NFATC1: variants seen among roughly 807,000 people sequenced by gnomAD.
NFATC1 encodes nuclear factor of activated T cells 1.
Under a neutral mutation model 76.0 loss-of-function variants are expected in NFATC1, and 22 were observed. The ratio of observed to expected loss-of-function variants is 0.29; its 90% CI spans 0.21 to 0.41. The LOEUF (loss-of-function observed/expected upper bound fraction) is 0.41, where lower values mean the gene tolerates loss of function less well. Ranked by LOEUF, NFATC1 falls within the 10% of genes least tolerant of loss-of-function variation. NFATC1 has a pLI of 1.00. For synonymous variants in NFATC1, 704 were observed against 613.1 expected (o/e 1.15, Z -2.19); for missense variants, 1,357 against 1,337.7 (o/e 1.01, Z -0.23).
At chr18:79,436,554 C>T (rs972226533) in intron 3 of NFATC1, among the ~76,000 whole-genome samples, 11 of 152,168 alleles carry the variant, frequency 7.2e-5, no homozygotes, top group African/African-American at 2.7e-4. Context: ...CGTCCTCCCA[C>T]GCCCGCTGTC....
chr18:79,497,687 C>T (rs909293268), intron 9 of NFATC1: 1 of 151,764 alleles, frequency 6.6e-6, no homozygotes, highest in African/African-American at 2.4e-5. Flanking sequence ...GAGAGGGCCC[C>T]AGCCACTCTT....
chr18:79,461,922 C>T (rs1157659712), intron 7 of NFATC1, among the ~76,000 whole-genome samples: 1 of 152,220 alleles, frequency 6.6e-6, no homozygotes, highest in Admixed American at 6.5e-5. Flanking sequence ...AGAGCCTGGG[C>T]GTGGCTCCTG....
rs1171398707 is a variant in NFATC1 at position 79,396,096 on chromosome 18, T to C, written c.-129T>C. 4.4e-6 allele frequency: 5 copies of C among 1,132,878 alleles called. No homozygotes were observed. The highest frequency in any genetic ancestry group is 5.5e-6 in the Non-Finnish European group (5 of 909,918). The allele number at this position is 1,132,878 out of a possible 1,614,324, so 70.2% of individuals were successfully genotyped here. On this transcript the variant is annotated 5_prime_UTR_variant, in exon 1 of 10. Transcript: ENST00000427363. ...GCGCGCACACGCCCCTCGATGACTT[T>C]CCTCCGGGGCGCGCGGCGCTGAGCC...
chr18:79,474,612 G>C (rs1301011622), intron 8 of NFATC1, among the ~76,000 whole-genome samples: 1 of 146,292 alleles, frequency 6.8e-6, no homozygotes, highest in African/African-American at 2.6e-5. Flanking sequence ...GCTCACTGTT[G>C]ACGTAAACCT....
At chr18:79,409,677 CCTGT>C (rs2085590251) in intron 1 of NFATC1, among the ~76,000 whole-genome samples, 1 of 152,158 alleles carries the variant, frequency 6.6e-6, no homozygotes, top group Admixed American at 6.5e-5. Flanking sequence ...AGTTTCTTTA[CCTGT>C]CTATCCATCA....
chr18:79,503,816 A>G (rs1405776344), intron 9 of NFATC1, among the ~76,000 whole-genome samples: 22 of 152,196 alleles, frequency 1.4e-4, no homozygotes, highest in Admixed American at 1.4e-3. Flanking sequence ...ACCTTCACCA[A>G]TGGTCTCAGC....
rs115882207 is a variant in NFATC1, at chr18:79,479,443, C to T, written c.2093-6805C>T. Among the ~76,000 whole-genome samples the T allele has an allele frequency of 8.6e-3, 1,307 of 152,326 alleles. 19 individuals carry two copies. Among genetic ancestry groups the T allele is most frequent in the African/African-American group, 0.026 (1,101 of 41,570 alleles). On this transcript the variant is annotated intron_variant, in intron 8 of 9. Coordinates refer to ENST00000427363, the MANE Select transcript of NFATC1 (RefSeq NM_001278669.2). ...CACTCACTTTCTCACTGATAGGATG[C>T]GTCTTACGAGGCTCTGATTTACAGA...
At chr18:79,415,217 G>A (rs916233180) in intron 2 of NFATC1, among the ~76,000 whole-genome samples, 1 of 152,148 alleles carries the variant, frequency 6.6e-6, no homozygotes, top group African/African-American at 2.4e-5. Flanking sequence ...GAAAGGCGGA[G>A]GTATTTTGAC....
chr18:79,516,414 A>G (rs1297958594), intron 9 of NFATC1, among the ~76,000 whole-genome samples: 1 of 152,246 alleles, frequency 6.6e-6, no homozygotes, highest in Non-Finnish European at 1.5e-5. Flanking sequence ...ACTGCTTTAC[A>G]AAGCATCTTT....
intron 1 of NFATC1, among the ~76,000 whole-genome samples, chr18:79,405,113 A>T (rs547753874): frequency 6.6e-6 from 1 of 152,146 alleles, no homozygotes; most frequent in African/African-American, 2.4e-5. Context: ...CCCCCAAACC[A>T]CCTGTGTGTC....
chr18:79,484,470 C>T (rs1361732767), intron 8 of NFATC1, among the ~76,000 whole-genome samples: 2 of 152,120 alleles, frequency 1.3e-5, no homozygotes, highest in Non-Finnish European at 2.9e-5. Flanking sequence ...CTGTGTAGGG[C>T]GGACGCTTTA....
chr18:79,451,119 C>T lies in NFATC1; in HGVS notation c.1755C>T (p.Ile585=). The T allele has an allele frequency of 4.3e-6, 7 of 1,609,658 alleles. No individual in the cohort carries two copies. The South Asian group carries it at 4.4e-5, about 10-fold the overall frequency. The change falls in exon 5 of 10, where the codon ATC becomes ATT. Residue 585 remains isoleucine, a synonymous_variant. Coordinates refer to ENST00000427363, the MANE Select transcript of NFATC1 (RefSeq NM_001278669.2). ...TLSLQVASNP[I]ECSQRSAQEL... is the part of the protein sequence containing the mutation. ...CCCTGCAGGTGGCCTCCAACCCCAT[C>T]GAATGCTGTAAGTGGACGTCCACGC... is the stretch of plus-strand genomic sequence containing the variant.
rs1003405397 is a variant in NFATC1 at position 79,396,209 on chromosome 18, C to G, written c.-16C>G. 9.0e-6 allele frequency: 13 copies of G among 1,450,054 alleles called. No individual in the cohort carries two copies. The highest frequency in any genetic ancestry group is 1.0e-5 in the Non-Finnish European group (11 of 1,088,222). 89.8% of individuals were successfully genotyped at this position (1,450,054 alleles called of 1,614,324 possible). On this transcript the variant is annotated 5_prime_UTR_variant, in exon 1 of 10. Transcript: ENST00000427363. ...TGCCTCCGCCCGCCGCTCCACTCCC[C>G]GCCGCCGCCGCGCGGATGCCAAGCA...
At chr18:79,513,810 G>A (rs927324989) in intron 9 of NFATC1, among the ~76,000 whole-genome samples, 5 of 152,250 alleles carry the variant, frequency 3.3e-5, no homozygotes, top group East Asian at 1.9e-4. Context: ...CATGAGGGGA[G>A]GTGCGTGGCG....
At chr18:79,459,017 C>T (rs532460246) in intron 6 of NFATC1, among the ~76,000 whole-genome samples, 131 of 152,344 alleles carry the variant, frequency 8.6e-4, no homozygotes, top group Non-Finnish European at 9.0e-4. Flanking sequence ...CCACAGACGT[C>T]GGACACCACG....
chr18:79,513,290 C>T (rs1297632560), intron 9 of NFATC1, among the ~76,000 whole-genome samples: 10 of 152,144 alleles, frequency 6.6e-5, no homozygotes, highest in Middle Eastern at 3.2e-3. Flanking sequence ...ACCTGCTTCC[C>T]GTGGCAGAGG....
chr18:79,491,524 G>C (rs1313096247), intron 9 of NFATC1, among the ~76,000 whole-genome samples: 2 of 152,202 alleles, frequency 1.3e-5, no homozygotes, highest in Non-Finnish European at 1.5e-5. Context: ...CTGACTATCT[G>C]TAAATGGGCC....
chr18:79,428,823 G>A (rs896913141), intron 2 of NFATC1, among the ~76,000 whole-genome samples: 3 of 152,134 alleles, frequency 2.0e-5, no homozygotes, highest in Admixed American at 2.0e-4. Flanking sequence ...GCAGCAGAGC[G>A]AGACCTTGTT....
At chr18:79,455,778 C>CCACGGCCGCCCCATCT (rs778928637) in intron 6 of NFATC1, among the ~76,000 whole-genome samples, 41 of 10,898 alleles carry the variant, frequency 3.8e-3, no homozygotes, top group East Asian at 0.021. Context: ...CCGCCCCATC[C>CCACGGCCGCCCCATCT]CACGGCCGCC....
Sources: gnomAD v4.1 joint callset for allele counts (sites outside exome capture counted in the v4.1 genomes callset) on GRCh38, gnomAD v4.1.1 for gene constraint, MANE v1.5 for transcripts, NCBI Gene and HGNC (gene_info 2026-07-23, HGNC 2026-07-21) for gene names.